Variants in DOCK1 observed in about 807,000 individuals in gnomAD.
DOCK1 encodes dedicator of cytokinesis 1, also known as dedicator of cytokinesis protein 1.
A neutral mutation model predicts 262.7 loss-of-function variants in DOCK1; 138 were observed. That is an observed-to-expected ratio of 0.53 (90% CI 0.46 to 0.61). The LOEUF is 0.61. Among genes scored for constraint, DOCK1 ranks in the 20% least tolerant of loss-of-function variants. The probability of loss-of-function intolerance (pLI) is 0.00; values close to 1 mark genes in which losing one functional copy is unlikely to be tolerated. For synonymous variants in DOCK1, 866 were observed against 867.4 expected, an observed-to-expected ratio of 1.00 and a Z score of 0.03; for missense variants, 1,908 against 2,370.7, an observed-to-expected ratio of 0.80 and a Z score of 4.05.
intron 24 of DOCK1, among the ~76,000 whole-genome samples, chr10:127,107,149 G>A (rs1156254081): frequency 3.3e-5 from 5 of 151,942 alleles, no homozygotes; most frequent in African/African-American, 1.2e-4. Flanking sequence ...TTAAACCCCA[G>A]ACATTCAATA....
intron 23 of DOCK1, among the ~76,000 whole-genome samples, chr10:127,092,729 T>C (rs2047613622): frequency 6.6e-6 from 1 of 152,184 alleles, no homozygotes; most frequent in Non-Finnish European, 1.5e-5. Flanking sequence ...GTGATCCGCC[T>C]GCCTCAGTCT....
intron 6 of DOCK1, among the ~76,000 whole-genome samples, chr10:126,994,838 C>T (rs1262309938): frequency 1.3e-5 from 2 of 152,248 alleles, no homozygotes; most frequent in Non-Finnish European, 2.9e-5. Flanking sequence ...GTTGCGTACA[C>T]CTCCCAGACG....
At chr10:127,381,443 A>G (rs2065818778) in intron 37 of DOCK1, 75 bp downstream of exon 37, 8 of 1,432,398 alleles carry the variant, frequency 5.6e-6, no homozygotes, top group Non-Finnish European at 7.6e-6. Flanking sequence ...GTATTTTTCC[A>G]TGGCAAATTT....
intron 33 of DOCK1, among the ~76,000 whole-genome samples, chr10:127,368,929 A>G (rs561319348): frequency 6.6e-6 from 1 of 152,370 alleles, no homozygotes; most frequent in East Asian, 1.9e-4. Context: ...ATTAATAAAA[A>G]TGGAATGGAA....
intron 10 of DOCK1, among the ~76,000 whole-genome samples, chr10:127,006,572 G>A (rs1303269244): frequency 1.3e-5 from 2 of 152,202 alleles, no homozygotes; most frequent in South Asian, 2.1e-4. Context: ...GGCTGTGTGC[G>A]GAAGAGCAGT....
chr10:127,024,942 G>T, intron 15 of DOCK1, 159 bp downstream of exon 15: 1 of 573,182 alleles, frequency 1.7e-6, no homozygotes, highest in South Asian at 2.7e-5. Context: ...GAACCACACT[G>T]GTGTTTCTTA....
chr10:127,253,626 C>A (rs908425964), intron 28 of DOCK1, among the ~76,000 whole-genome samples: 2 of 152,074 alleles, frequency 1.3e-5, no homozygotes, highest in African/African-American at 4.8e-5. Context: ...GTAATCCCAG[C>A]ACTTTGGGAG....
At chr10:127,227,773 G>A (rs1375980843) in intron 27 of DOCK1, among the ~76,000 whole-genome samples, 1 of 152,220 alleles carries the variant, frequency 6.6e-6, no homozygotes, top group African/African-American at 2.4e-5. Context: ...CATGCTGGCT[G>A]AAATCAAAAT....
At chr10:126,909,910 G>T (rs1207418378) in intron 1 of DOCK1, among the ~76,000 whole-genome samples, 1 of 152,222 alleles carries the variant, frequency 6.6e-6, no homozygotes, top group Non-Finnish European at 1.5e-5. Flanking sequence ...TTCAAAAGTT[G>T]GTTTCTTGAT....
intron 49 of DOCK1, among the ~76,000 whole-genome samples, chr10:127,441,396 G>A (rs1237311768): frequency 6.6e-6 from 1 of 152,198 alleles, no homozygotes; most frequent in African/African-American, 2.4e-5. Flanking sequence ...GTGCTTCTCA[G>A]CATCTGGCCC....
chr10:126,939,436 T>G (rs1022253298), intron 1 of DOCK1, among the ~76,000 whole-genome samples: 2 of 152,264 alleles, frequency 1.3e-5, no homozygotes, highest in Non-Finnish European at 2.9e-5. Flanking sequence ...TTCATCTAAA[T>G]TCTAGGATGA....
chr10:127,287,032 T>C (rs1393428271), intron 29 of DOCK1, among the ~76,000 whole-genome samples: 1 of 151,824 alleles, frequency 6.6e-6, no homozygotes, highest in Non-Finnish European at 1.5e-5. Flanking sequence ...CTCAGCCTCC[T>C]GAGTGGCTGG....
At chr10:127,379,677 T>TA (rs1438787099) in intron 35 of DOCK1, among the ~76,000 whole-genome samples, 1 of 152,260 alleles carries the variant, frequency 6.6e-6, no homozygotes, top group African/African-American at 2.4e-5. Context: ...CAGAAAGCTT[T>TA]AAATCATGTT....
intron 1 of DOCK1, among the ~76,000 whole-genome samples, chr10:126,912,598 C>T (rs1232125454): frequency 2.0e-5 from 3 of 151,458 alleles, no homozygotes; most frequent in African/African-American, 4.9e-5. Flanking sequence ...TGGTGGCGGG[C>T]GCCTGTGGTC....
intron 12 of DOCK1, chr10:127,014,758 T>A (rs1378468385): frequency 6.6e-6 from 1 of 152,240 alleles, no homozygotes; most frequent in Non-Finnish European, 1.5e-5. Flanking sequence ...TTCCTCAGGC[T>A]CTTCTGTCAG....
intron 1 of DOCK1, among the ~76,000 whole-genome samples, chr10:126,922,268 G>A (rs142709268): frequency 7.8e-4 from 115 of 147,262 alleles, no homozygotes; most frequent in Non-Finnish European, 1.5e-3. Context: ...GTTTCTGTAA[G>A]CTGTACAGGA....
At chr10:127,420,104 G>T (rs76596554) in intron 46 of DOCK1, among the ~76,000 whole-genome samples, 1 of 152,162 alleles carries the variant, frequency 6.6e-6, no homozygotes, top group Non-Finnish European at 1.5e-5. Flanking sequence ...CAGGAAAGGC[G>T]CTCGGGCCAG....
chr10:127,093,312 C>A (rs541075019), intron 23 of DOCK1, among the ~76,000 whole-genome samples: 1 of 127,904 alleles, frequency 7.8e-6, no homozygotes, highest in East Asian at 2.5e-4. Flanking sequence ...GTGGCGTGAT[C>A]TCGGCTCACT....
intron 29 of DOCK1, among the ~76,000 whole-genome samples, chr10:127,264,571 C>T (rs368746723): frequency 1.8e-4 from 27 of 152,248 alleles, no homozygotes; most frequent in African/African-American, 6.3e-4. Flanking sequence ...CAGGATAAAA[C>T]ATAAAGGCAA....
Sources: gnomAD v4.1 joint callset for allele counts (sites outside exome capture counted in the v4.1 genomes callset) on GRCh38, gnomAD v4.1.1 for gene constraint, MANE v1.5 for transcripts, NCBI Gene and HGNC (gene_info 2026-07-23, HGNC 2026-07-21) for gene names.